The following NWD1 variants were observed in gnomAD, a reference collection of about 807,000 sequenced individuals.
The protein encoded by NWD1 is NACHT domain- and WD repeat-containing protein 1.
In NWD1, 129 loss-of-function variants were observed where a neutral mutation model predicts 135.1. The ratio of observed to expected loss-of-function variants is 0.96; its 90% CI spans 0.83 to 1.11. The LOEUF is 1.11. Among genes scored for constraint, NWD1 ranks in the 50% least tolerant of loss-of-function variants. The pLI is 0.00. For missense variants in NWD1, 1,740 were observed against 1,851.3 expected, an observed-to-expected ratio of 0.94 and a Z score of 1.10; for synonymous variants, 773 against 786.0, an observed-to-expected ratio of 0.98 and a Z score of 0.28.
chr19:16,723,871 T>C (rs1274555665), intron 1 of NWD1, among the ~76,000 whole-genome samples: 4 of 152,112 alleles, frequency 2.6e-5, no homozygotes, highest in Admixed American at 1.3e-4. Context: ...AATTTTTGTA[T>C]TTTTAGTAGA....
Position 16,799,941 on chromosome 19 carries a change from C to T in NWD1, c.3515C>T (p.Ala1172Val), listed in dbSNP as rs1219275594. ...TLLDILEGVG[A>V]PVSLLARGGA... is the part of the protein sequence containing the mutation. ...CTGGACATCCTGGAAGGCGTCGGGG[C>T]CCCCGTGAGCCTGCTGGCCCGCGGC... Residue 1172 changes from alanine (A) to valine (V), a missense_variant, in exon 17 of 19, where the codon GCC (alanine) becomes GTC (valine). Coordinates refer to ENST00000524140, the MANE Select transcript of NWD1 (RefSeq NM_001007525.5). 4 of 1,613,694 alleles carry T rather than the reference C, an allele frequency of 2.5e-6. No homozygotes were observed. Among genetic ancestry groups the T allele is most frequent in the Non-Finnish European group, 3.4e-6 (4 of 1,179,696 alleles).
In NWD1 at chr19:16,749,139, T is replaced by C; in HGVS notation, c.497T>C (p.Val166Ala). The part of the protein sequence containing the change: ...QEQWQHYHRS[V>A]IEWEIERSLL... ...CTTCCCACCTTCCCCACTTTGGCAG[T>C]CATTGAGTGGGAGATAGAGCGGAGC... Residue 166 changes from valine to alanine, a missense_variant and splice_region_variant, in exon 6 of 19, where the codon GTC (valine) becomes GCC (alanine). By Grantham distance (64) the Val-to-Ala change is moderately conservative. Coordinates refer to ENST00000524140, the MANE Select transcript of NWD1 (RefSeq NM_001007525.5). 6.3e-7 allele frequency: 1 copy of C among 1,587,702 alleles called. No individual in the cohort carries two copies. Among genetic ancestry groups the C allele is most frequent in the Non-Finnish European group, 8.6e-7 (1 of 1,164,306 alleles).
At chr19:16,773,020 G>A (rs1969467772) in intron 10 of NWD1, 106 bp from the exon 11 acceptor site, 1 of 894,390 alleles carries the variant, frequency 1.1e-6, no homozygotes, top group South Asian at 1.4e-5. Flanking sequence ...CTGAGGTATT[G>A]TGTCTTCTTT....
In NWD1 at chr19:16,749,537, C is replaced by T. The variant is rs775286731; in HGVS notation, c.895C>T (p.Arg299Cys). Residue 299 changes from arginine (R) to cysteine (C), a missense_variant, in exon 6 of 19, where the codon CGC becomes TGC. Physicochemically the swap from Arg to Cys is radical, Grantham distance 180 (BLOSUM62 -3). Transcript: ENST00000524140. ...GTTGGCGTGGCTCTACCAAGAGATC[C>T]GCCACCACCTTTGGCAGAGCTCGGA... ...QELAWLYQEI[R>C]HHLWQSSEVI... The T allele has an allele frequency of 3.3e-5, 54 of 1,612,294 alleles. No homozygotes were observed. The highest frequency in any genetic ancestry group is 4.0e-5 in the Non-Finnish European group (47 of 1,178,616).
chr19:16,749,734 CA>C lies in NWD1; in HGVS notation c.1094del (p.Lys365ArgfsTer3), dbSNP rs1393270622. The C allele has an allele frequency of 1.9e-6, 3 of 1,606,746 alleles. No individual in the cohort carries two copies. The highest frequency in any genetic ancestry group is 2.6e-6 in the Non-Finnish European group (3 of 1,175,964). The part of the protein sequence containing the change: ...AEQMPRLLGH[K>X]TVTVLRLLGT... ...AGCAGATGCCAAGGCTGCTGGGGCACAAGACAGTGACCGTCCTGCGGCTGCT... is the reference window on the plus strand; with the variant it reads ...AGCAGATGCCAAGGCTGCTGGGGCACAGACAGTGACCGTCCTGCGGCTGCT... On this transcript the variant is annotated frameshift_variant, in exon 6 of 19. Coordinates refer to ENST00000524140, the MANE Select transcript of NWD1 (RefSeq NM_001007525.5). LOFTEE classifies it high-confidence loss of function.
At chr19:16,736,511 C>T (rs376197344) in intron 3 of NWD1, 123 bp from the exon 4 acceptor site, 11 of 656,274 alleles carry the variant, frequency 1.7e-5, no homozygotes, top group Non-Finnish European at 2.7e-6. Flanking sequence ...ATCCAGACAT[C>T]CCCCTACAGG....
At position 16,780,184 on chromosome 19, in the gene NWD1, C is replaced by T. The variant is rs371725904; in HGVS notation, c.2731+719C>T. Among the ~76,000 whole-genome samples, 164 of 149,400 alleles carry T rather than the reference C, an allele frequency of 1.1e-3. 2 individuals are homozygous for T. Among genetic ancestry groups the T allele is most frequent in the South Asian group, 8.2e-3 (39 of 4,756 alleles). ...TTTTTTTTTTTTTTTGAGACGGAGTCTTGCTCTGTCGCCCAAGCTAGAGTG... is the reference window on the plus strand; with the variant it reads ...TTTTTTTTTTTTTTTGAGACGGAGTTTTGCTCTGTCGCCCAAGCTAGAGTG... On this transcript the variant is annotated intron_variant, in intron 12 of 18. Coordinates refer to ENST00000524140, the MANE Select transcript of NWD1 (RefSeq NM_001007525.5).
At chr19:16,779,917 T>G (rs1028821717) in intron 12 of NWD1, among the ~76,000 whole-genome samples, 6 of 152,160 alleles carry the variant, frequency 3.9e-5, no homozygotes, top group African/African-American at 1.2e-4. Context: ...ATTACAAATT[T>G]GAGCCACAAA....
In NWD1 at chr19:16,800,057, T is replaced by C. The variant is rs773570393; in HGVS notation, c.3631T>C (p.Phe1211Leu). 1 of 1,614,170 alleles carries C rather than the reference T, an allele frequency of 6.2e-7. No homozygotes were observed. Among genetic ancestry groups the C allele is most frequent in the Admixed American group, 1.7e-5 (1 of 60,020 alleles). Residue 1211 changes from phenylalanine to leucine, a missense_variant, in exon 17 of 19, where the codon TTT becomes CTT. Physicochemically the swap from Phe to Leu is conservative, Grantham distance 22. Transcript: ENST00000524140. The stretch of plus-strand genomic sequence containing the variant: ...TCATAGGTCCCGGGTGCCTGCACCA[T>C]TTCTGGACCGCACCGGCCTCACCGC... ...DAHRSRVPAP[F>L]LDRTGLTAVS... is the part of the protein sequence containing the mutation.
intron 9 of NWD1, 110 bp downstream of exon 9, chr19:16,764,055 C>A: frequency 1.5e-6 from 1 of 689,232 alleles, no homozygotes; most frequent in South Asian, 1.7e-5. Context: ...TTCGTTCCTC[C>A]TAAGGCAGAG....
intron 7 of NWD1, among the ~76,000 whole-genome samples, chr19:16,760,317 G>A (rs181519606): frequency 6.6e-6 from 1 of 150,682 alleles, no homozygotes; most frequent in Non-Finnish European, 1.5e-5. Flanking sequence ...CAGTACAGTG[G>A]TTGTCATCAT....
rs758887166 is a variant in NWD1 at position 16,722,715 on chromosome 19, T to C, written c.-104-1651T>C. On this transcript the variant is annotated intron_variant, in intron 1 of 18. Transcript: ENST00000524140. ...AAGCCCTTGGAATGGGATAAGGGTG[T>C]CTTTGTTTACCTGGAGAGCCTTGGC... is the stretch of plus-strand genomic sequence containing the variant. 6.6e-5 allele frequency among the ~76,000 whole-genome samples: 10 copies of C among 151,718 alleles called. No individual in the cohort carries two copies. In the East Asian group the frequency reaches 1.9e-3, roughly 29 times the overall value.
At chr19:16,794,393 A>G in intron 14 of NWD1, 70 bp from the exon 15 acceptor site, 1 of 854,952 alleles carries the variant, frequency 1.2e-6, no homozygotes, top group South Asian at 1.6e-5. Context: ...AAATTAAAAA[A>G]TTAAAAAATT....
At chr19:16,722,260 C>T (rs140945267) in intron 1 of NWD1, among the ~76,000 whole-genome samples, 4,024 of 151,050 alleles carry the variant, frequency 0.027, 163 homozygotes, top group African/African-American at 0.09. Context: ...AATAGTGCCA[C>T]TGCACTCCAG....
In NWD1 at chr19:16,724,419, G is replaced by A. The variant is rs1183988822; in HGVS notation, c.-51G>A. ...ACCACTTGCTTAAGTCCTCCAGGAG[G>A]GCGATGGAGGAGCCGGCATTCCAAC... On this transcript the variant is annotated 5_prime_UTR_variant, in exon 2 of 19. Coordinates refer to ENST00000524140, the MANE Select transcript of NWD1 (RefSeq NM_001007525.5). The A allele has an allele frequency of 2.0e-5, 3 of 152,174 alleles. No individual in the cohort carries two copies. The highest frequency in any genetic ancestry group is 7.2e-5 in the African/African-American group (3 of 41,434). 9.4% of individuals were successfully genotyped at this position (152,174 alleles called of 1,614,324 possible). A position where few individuals can be genotyped will look rare whatever the true frequency, so the allele number is the denominator to read the frequency against.
chr19:16,776,442 C>T (rs547241094), intron 11 of NWD1, among the ~76,000 whole-genome samples: 7 of 151,962 alleles, frequency 4.6e-5, no homozygotes, highest in African/African-American at 1.7e-4. Context: ...GTAGCGGACA[C>T]CTGTAATCCC....
chr19:16,739,782 G>A (rs899795152), intron 4 of NWD1, among the ~76,000 whole-genome samples: 3 of 152,192 alleles, frequency 2.0e-5, no homozygotes, highest in Admixed American at 2.0e-4. Flanking sequence ...AGAGGCTCCT[G>A]TCTCTTGGGC....
At chr19:16,780,917 C>G (rs1187502786) in intron 12 of NWD1, among the ~76,000 whole-genome samples, 1 of 152,142 alleles carries the variant, frequency 6.6e-6, no homozygotes, top group Non-Finnish European at 1.5e-5. Flanking sequence ...CCTTGTCCTT[C>G]CAAAGTGCTG....
At chr19:16,731,312 T>G in intron 3 of NWD1, 34 bp downstream of exon 3, 1 of 1,328,856 alleles carries the variant, frequency 7.5e-7, no homozygotes, top group Non-Finnish European at 1.0e-6. Flanking sequence ...CCATGCTTTT[T>G]TTATTTTTTT....
Sources: allele counts gnomAD v4.1 joint callset (sites outside exome capture counted in the v4.1 genomes callset), GRCh38; gene constraint gnomAD v4.1.1; transcripts MANE v1.5; gene names NCBI Gene and HGNC (gene_info 2026-07-23, HGNC 2026-07-21).